Variants in SYNJ1 observed in about 807,000 individuals in gnomAD.
SYNJ1 encodes the protein polyphosphatidylinositol phosphatase SYNJ1.
SYNJ1 carries 78 observed loss-of-function variants against 168.2 expected under a neutral mutation model. The ratio of observed to expected loss-of-function variants is 0.46; its 90% CI spans 0.39 to 0.56. The LOEUF (loss-of-function observed/expected upper bound fraction) is 0.56, where lower values mean the gene tolerates loss of function less well. SYNJ1 is among the 20% of genes least tolerant of loss of function. SYNJ1 has a pLI of 0.00. For missense variants in SYNJ1, 1,303 were observed against 1,597.6 expected, an observed-to-expected ratio of 0.82 and a Z score of 3.14; for synonymous variants, 539 against 548.6, an observed-to-expected ratio of 0.98 and a Z score of 0.24.
At chr21:32,664,773 T>A (rs1425934603) in intron 18 of SYNJ1, 140 bp downstream of exon 18, 1 of 648,310 alleles carries the variant, frequency 1.5e-6, no homozygotes, top group Non-Finnish European at 2.4e-6. Flanking sequence ...TAAGGAAAGA[T>A]AATTCTATTA....
chr21:32,644,242 G>A (rs190199455), intron 26 of SYNJ1, among the ~76,000 whole-genome samples: 87 of 152,222 alleles, frequency 5.7e-4, no homozygotes, highest in Non-Finnish European at 1.0e-3. Flanking sequence ...AGCTGTATTC[G>A]GCAGAAGCTG....
chr21:32,688,458 C>G (rs2041908865), intron 6 of SYNJ1, 91 bp from the exon 7 acceptor site: 1 of 1,041,350 alleles, frequency 9.6e-7, no homozygotes, highest in African/African-American at 1.6e-5. Flanking sequence ...AATTTCTTTG[C>G]TGAACACACA....
Position 32,665,083 on chromosome 21 carries a change from G to A in SYNJ1, c.2146-12C>T, listed in dbSNP as rs767634161. 1 of 1,570,330 alleles carries A rather than the reference G, an allele frequency of 6.4e-7. No homozygotes were observed. Among genetic ancestry groups the A allele is most frequent in the Non-Finnish European group, 8.6e-7 (1 of 1,156,764 alleles). ...AATAGCATCCTTCCCTGAAAGCAATGAGATAGAATTTTAAATTCAAAACAA... is the reference window on the plus strand; with the variant it reads ...AATAGCATCCTTCCCTGAAAGCAATAAGATAGAATTTTAAATTCAAAACAA... On this transcript the variant is annotated splice_polypyrimidine_tract_variant and intron_variant, in intron 17 of 32. Transcript: ENST00000674351.
At chr21:32,726,406 CCTA>C (rs2043456562) in intron 2 of SYNJ1, among the ~76,000 whole-genome samples, 1 of 152,076 alleles carries the variant, frequency 6.6e-6, no homozygotes, top group Non-Finnish European at 1.5e-5. Flanking sequence ...TTAGATAATA[CCTA>C]CTACTATAAC....
intron 31 of SYNJ1, among the ~76,000 whole-genome samples, chr21:32,635,847 T>C (rs927734862): frequency 4.6e-5 from 7 of 152,162 alleles, no homozygotes; most frequent in African/African-American, 1.4e-4. Flanking sequence ...GGAATTTACC[T>C]TTGTTTAAAA....
chr21:32,666,970 T>C (rs2040959957), intron 15 of SYNJ1, among the ~76,000 whole-genome samples: 1 of 152,202 alleles, frequency 6.6e-6, no homozygotes, highest in African/African-American at 2.4e-5. Flanking sequence ...AATGGAGTAA[T>C]ACTTGCATAT....
intron 2 of SYNJ1, among the ~76,000 whole-genome samples, chr21:32,710,141 A>G (rs1220560964): frequency 1.3e-5 from 2 of 152,108 alleles, no homozygotes; most frequent in African/African-American, 4.8e-5. Flanking sequence ...TTGAGGTTGC[A>G]GTGAGCCGAG....
At chr21:32,649,369 A>G (rs2040189935) in intron 23 of SYNJ1, among the ~76,000 whole-genome samples, 1 of 152,232 alleles carries the variant, frequency 6.6e-6, no homozygotes, top group African/African-American at 2.4e-5. Context: ...GGGCATTACA[A>G]TATTATTATA....
chr21:32,663,409 T>C (rs1201131919), intron 18 of SYNJ1, among the ~76,000 whole-genome samples: 1 of 152,168 alleles, frequency 6.6e-6, no homozygotes, highest in Non-Finnish European at 1.5e-5. Context: ...ATTCCCAAAG[T>C]TGCAAACCGT....
chr21:32,676,328 G>C lies in SYNJ1; in HGVS notation c.1534+4C>G, dbSNP rs748110438. The C allele has an allele frequency of 6.2e-7, 1 of 1,603,236 alleles. No homozygotes were observed. The highest frequency in any genetic ancestry group is 8.5e-7 in the Non-Finnish European group (1 of 1,175,050). On this transcript the variant is annotated splice_donor_region_variant and intron_variant, in intron 13 of 32. Transcript: ENST00000674351. The stretch of plus-strand genomic sequence containing the variant: ...TATTTATAGATTGATTTTCTATACT[G>C]TACCTGACTGTAATGTCTGCTCAGA...
intron 2 of SYNJ1, among the ~76,000 whole-genome samples, chr21:32,712,679 A>G (rs567628339): frequency 1.3e-5 from 2 of 152,236 alleles, no homozygotes; most frequent in Non-Finnish European, 2.9e-5. Context: ...GATTAGGAAG[A>G]CAGGAATTAT....
rs751503162 is a variant in SYNJ1 at position 32,694,282 on chromosome 21, G to T, written c.735C>A (p.Ser245=). 1.9e-6 allele frequency: 3 copies of T among 1,568,790 alleles called. No homozygotes were observed. The highest frequency in any genetic ancestry group is 2.6e-6 in the Non-Finnish European group (3 of 1,161,212). ...GAACAGATCCTCGGATTTGTATGAA[G>T]GAAGAAACTGAGTCATCTAAGTACA... ...QVVYLDDSVS[S]FIQIRGSVPL... The change falls in exon 6 of 33, where the codon TCC becomes TCA. Residue 245 remains serine, a synonymous_variant. Transcript: ENST00000674351.
chr21:32,678,668 A>C lies in SYNJ1; in HGVS notation c.1487T>G (p.Leu496Arg). Reference sequence around the variant, plus strand: ...ACCACGCAAACTTCCAGTAGTTAAAAGTGCTCGAGCTTTGTCAGCTAAATC... The same window carrying C: ...ACCACGCAAACTTCCAGTAGTTAAACGTGCTCGAGCTTTGTCAGCTAAATC... ...NSDLADKARA[L>R]LTTGSLRVSE... is the part of the protein sequence containing the mutation. Residue 496 changes from leucine to arginine, a missense_variant, in exon 12 of 33, where the codon CTT becomes CGT. Physicochemically the swap from Leu to Arg is moderately radical, Grantham distance 102. This residue lies in a region of SYNJ1 where 920 missense variants were observed against 1,208.8 expected (regional missense o/e 0.76). Coordinates refer to ENST00000674351, the MANE Select transcript of SYNJ1 (RefSeq NM_203446.3). The C allele has an allele frequency of 6.2e-7, 1 of 1,608,504 alleles. No homozygotes were observed. The highest frequency in any genetic ancestry group is 2.2e-5 in the East Asian group (1 of 44,728).
At chr21:32,722,203 AAAATATATATAT>A (rs1421837164) in intron 2 of SYNJ1, among the ~76,000 whole-genome samples, 3 of 88,688 alleles carry the variant, frequency 3.4e-5, no homozygotes, top group African/African-American at 1.4e-4. Context: ...AAAAAAAAAA[AAAATATATATAT>A]ATATATATAT....
intron 26 of SYNJ1, 30 bp from the exon 27 acceptor site, chr21:32,643,487 T>A: frequency 6.2e-7 from 1 of 1,606,746 alleles, no homozygotes; most frequent in South Asian, 1.1e-5. Context: ...AAACTATATA[T>A]TGTTCAGGGC....
At chr21:32,663,967 C>A (rs1320326297) in intron 18 of SYNJ1, among the ~76,000 whole-genome samples, 1 of 152,146 alleles carries the variant, frequency 6.6e-6, no homozygotes, top group African/African-American at 2.4e-5. Context: ...TAGTTGAAGA[C>A]ATAATTAGAG....
At position 32,639,684 on chromosome 21, in the gene SYNJ1, T is replaced by C. The variant is rs756448440; in HGVS notation, c.3684A>G (p.Ser1228=). The change falls in exon 30 of 33, where the codon TCA becomes TCG. Residue 1228 remains serine, a synonymous_variant. Transcript: ENST00000674351. Reference sequence around the variant, plus strand: ...AAGAGGACCTACCTTTCGACGTTTCTGATGTTTTGCTTTGGCTTTCAGGAG... The same window carrying C: ...AAGAGGACCTACCTTTCGACGTTTCCGATGTTTTGCTTTGGCTTTCAGGAG... The part of the protein sequence containing the change: ...RLTPESQSKT[S]ETSKGSTFLP... 6.2e-7 allele frequency: 1 copy of C among 1,614,042 alleles called. No individual in the cohort carries two copies. Among genetic ancestry groups the C allele is most frequent in the South Asian group, 1.1e-5 (1 of 91,068 alleles).
At chr21:32,716,125 T>C (rs1184923670) in intron 2 of SYNJ1, among the ~76,000 whole-genome samples, 10 of 152,214 alleles carry the variant, frequency 6.6e-5, no homozygotes, top group Non-Finnish European at 8.8e-5. Context: ...AAATTTTAAT[T>C]GTCACCAGTA....
intron 2 of SYNJ1, among the ~76,000 whole-genome samples, chr21:32,718,901 G>A (rs750844375): frequency 3.9e-5 from 6 of 151,918 alleles, no homozygotes; most frequent in South Asian, 2.1e-4. Flanking sequence ...TAACCTTAAC[G>A]CCTTCCCTTA....
Sources: gnomAD v4.1 joint callset for allele counts (sites outside exome capture counted in the v4.1 genomes callset) on GRCh38, gnomAD v4.1.1 for gene constraint, gnomAD v4.1.1 regional missense constraint, MANE v1.5 for transcripts, NCBI Gene and HGNC (gene_info 2026-07-23, HGNC 2026-07-21) for gene names.